CNOT1: variants seen among roughly 807,000 people sequenced by gnomAD.
The protein encoded by CNOT1 is CCR4-NOT transcription complex subunit 1.
Under a neutral mutation model 273.8 loss-of-function variants are expected in CNOT1, and 15 were observed. That is an observed-to-expected ratio of 0.05 (90% CI 0.04 to 0.08). The LOEUF is 0.08. CNOT1 is among the 10% of genes least tolerant of loss of function. CNOT1 has a pLI of 1.00. For synonymous variants in CNOT1, 1,022 were observed against 1,005.5 expected, an observed-to-expected ratio of 1.02 and a Z score of -0.31; for missense variants, 1,644 against 2,912.2, an observed-to-expected ratio of 0.56 and a Z score of 10.02.
Position 58,534,276 on chromosome 16 carries a change from A to C in CNOT1, c.5766T>G (p.Ala1922=), listed in dbSNP as rs1278950542. Residue 1922 remains alanine (A), a synonymous_variant, in exon 40 of 49, where the codon GCT becomes GCG. Coordinates refer to ENST00000317147, the MANE Select transcript of CNOT1 (RefSeq NM_016284.5). ...RAQAEQQHNP[A]ANPTMIRAKC... Reference sequence around the variant, plus strand: ...TGGCTCGGATCATGGTGGGATTGGCAGCAGGATTGTGCTGCTGCTCAGCCT... The same window carrying C: ...TGGCTCGGATCATGGTGGGATTGGCCGCAGGATTGTGCTGCTGCTCAGCCT... The C allele has an allele frequency of 1.2e-6, 2 of 1,614,178 alleles. 1 individual carries two copies. The highest frequency in any genetic ancestry group is 4.5e-5 in the East Asian group (2 of 44,870).
At chr16:58,572,241 G>A (rs144401538) in intron 16 of CNOT1, among the ~76,000 whole-genome samples, 1,999 of 151,706 alleles carry the variant, frequency 0.013, 34 homozygotes, top group African/African-American at 0.046. Context: ...CCGAGATCAT[G>A]CCACTGCACT....
In CNOT1 at chr16:58,558,536, G is replaced by C. The variant is rs746841115; in HGVS notation, c.2269C>G (p.Leu757Val). Reference protein sequence around the residue: ...PQSPAKAFPPLSTPNQTTAFS... With the variant: ...PQSPAKAFPPVSTPNQTTAFS... ...GCAGTGGTCTGATTGGGGGTTGAAAGGGGTGGAAATGCTTTTGCTGGTGAC... is the reference window on the plus strand; with the variant it reads ...GCAGTGGTCTGATTGGGGGTTGAAACGGGTGGAAATGCTTTTGCTGGTGAC... Residue 757 changes from leucine to valine, a missense_variant, in exon 18 of 49, where the codon CTT becomes GTT. By Grantham distance (32) the Leu-to-Val change is conservative. Coordinates refer to ENST00000317147, the MANE Select transcript of CNOT1 (RefSeq NM_016284.5). 5 of 1,613,750 alleles carry C rather than the reference G, an allele frequency of 3.1e-6. No homozygotes were observed. Among genetic ancestry groups the C allele is most frequent in the Non-Finnish European group, 4.2e-6 (5 of 1,179,870 alleles).
intron 16 of CNOT1, among the ~76,000 whole-genome samples, chr16:58,566,707 C>G (rs1761272150): frequency 6.6e-6 from 1 of 152,172 alleles, no homozygotes; most frequent in Non-Finnish European, 1.5e-5. Flanking sequence ...ACTCTTGTTG[C>G]CCAGACAGAG....
chr16:58,581,377 T>G lies in CNOT1; in HGVS notation c.1183A>C (p.Ile395Leu). Residue 395 changes from isoleucine to leucine, a missense_variant, in exon 11 of 49, where the codon ATA (isoleucine) becomes CTA (leucine). Ile to Leu is a conservative substitution (Grantham distance 5). Transcript: ENST00000317147. Reference sequence around the variant, plus strand: ...TCAGCATGTTTCCAAGGTCTATATATGAGGTCTACTGGGAACACTTCCATA... The same window carrying G: ...TCAGCATGTTTCCAAGGTCTATATAGGAGGTCTACTGGGAACACTTCCATA... Reference protein sequence around the residue: ...LGMEVFPVDLIYRPWKHAEGQ... With the variant: ...LGMEVFPVDLLYRPWKHAEGQ... The G allele has an allele frequency of 6.2e-7, 1 of 1,613,406 alleles. No individual in the cohort carries two copies.
At chr16:58,530,134 T>A in intron 43 of CNOT1, 112 bp downstream of exon 43, 1 of 724,510 alleles carries the variant, frequency 1.4e-6, no homozygotes, top group African/African-American at 1.8e-5. Flanking sequence ...CTTTTCTGAA[T>A]GTATATCATG....
intron 44 of CNOT1, among the ~76,000 whole-genome samples, chr16:58,526,817 CAAAA>C (rs58419483): frequency 0.29 from 25,657 of 87,732 alleles, 2,424 homozygotes; most frequent in African/African-American, 0.36. Context: ...AACTCCGTCT[CAAAA>C]AAAAAAAAAA....
At chr16:58,596,913 AAAAAC>A (rs2042281025) in intron 2 of CNOT1, among the ~76,000 whole-genome samples, 1 of 138,994 alleles carries the variant, frequency 7.2e-6, no homozygotes, top group African/African-American at 2.6e-5. Context: ...AAAAAAAAAA[AAAAAC>A]AAAAGTCAAT....
chr16:58,521,174 T>C lies in CNOT1; in HGVS notation c.7052+9A>G. On this transcript the variant is annotated intron_variant, in intron 48 of 48. Coordinates refer to ENST00000317147, the MANE Select transcript of CNOT1 (RefSeq NM_016284.5). ...ATTCCTAGACAATTAAAAATTACTT[T>C]GAACTCACTTTTCGATTTCTGGGGC... 3.1e-6 allele frequency: 5 copies of C among 1,613,022 alleles called. No individual in the cohort carries two copies. Among genetic ancestry groups the C allele is most frequent in the Non-Finnish European group, 4.2e-6 (5 of 1,179,756 alleles).
At chr16:58,603,904 A>G (rs566119598) in intron 1 of CNOT1, among the ~76,000 whole-genome samples, 4 of 152,334 alleles carry the variant, frequency 2.6e-5, no homozygotes, top group African/African-American at 9.6e-5. Flanking sequence ...TCCTCGTATT[A>G]GGATGTAAGT....
intron 2 of CNOT1, among the ~76,000 whole-genome samples, chr16:58,593,928 T>C (rs1369137293): frequency 1.3e-5 from 2 of 152,160 alleles, no homozygotes; most frequent in Non-Finnish European, 2.9e-5. Context: ...AGATGAATCC[T>C]ACTTGAAAAC....
Position 58,553,799 on chromosome 16 carries a change from G to C in CNOT1, c.2953C>G (p.Pro985Ala). ...GCACTTACCTCCTGTAAATGATGTG[G>C]AAATTGCATAAAGTGACTGATAGAA... is the stretch of plus-strand genomic sequence containing the variant. ...LASISHFMQFPHHLQEYIEYG... is the reference protein window; with the variant it reads ...LASISHFMQFAHHLQEYIEYG... The change falls in exon 22 of 49, where the codon CCA becomes GCA. Residue 985 changes from proline (P) to alanine (A), a missense_variant. Pro to Ala is a conservative substitution (Grantham distance 27). Transcript: ENST00000317147. The C allele has an allele frequency of 6.2e-7, 1 of 1,611,572 alleles. No individual in the cohort carries two copies. Among genetic ancestry groups the C allele is most frequent in the African/African-American group, 1.3e-5 (1 of 74,786 alleles).
Position 58,581,374 on chromosome 16 carries a change from A to G in CNOT1, c.1186T>C (p.Tyr396His), listed in dbSNP as rs2151974731. 1 of 1,613,238 alleles carries G rather than the reference A, an allele frequency of 6.2e-7. No homozygotes were observed. The highest frequency in any genetic ancestry group is 1.1e-5 in the South Asian group (1 of 90,838). ...CCTTCAGCATGTTTCCAAGGTCTAT[A>G]TATGAGGTCTACTGGGAACACTTCC... ...GMEVFPVDLIYRPWKHAEGQL... is the reference protein window; with the variant it reads ...GMEVFPVDLIHRPWKHAEGQL... Residue 396 changes from tyrosine (Y) to histidine (H), a missense_variant, in exon 11 of 49, where the codon TAT (tyrosine) becomes CAT (histidine). This residue lies in a region of CNOT1 where 706 missense variants were observed against 1,021.2 expected (regional missense o/e 0.69). Coordinates refer to ENST00000317147, the MANE Select transcript of CNOT1 (RefSeq NM_016284.5).
At chr16:58,583,993 C>T (rs1888324706) in intron 8 of CNOT1, among the ~76,000 whole-genome samples, 1 of 151,392 alleles carries the variant, frequency 6.6e-6, no homozygotes, top group African/African-American at 2.4e-5. Context: ...ACAGTGAAAC[C>T]CCATCTCTAC....
chr16:58,615,919 T>C (rs2043059312), intron 1 of CNOT1, among the ~76,000 whole-genome samples: 1 of 100,676 alleles, frequency 9.9e-6, no homozygotes, highest in African/African-American at 3.2e-5. Context: ...CCATCTCTAC[T>C]TTTTTTTTTT....
intron 2 of CNOT1, among the ~76,000 whole-genome samples, chr16:58,595,986 G>C (rs542057818): frequency 2.6e-5 from 4 of 152,332 alleles, no homozygotes; most frequent in African/African-American, 9.6e-5. Context: ...AGGCAGTCTT[G>C]TGCTTTTCTT....
intron 2 of CNOT1, chr16:58,597,736 G>A (rs1170114364): frequency 3.9e-6 from 2 of 513,352 alleles, no homozygotes; most frequent in Non-Finnish European, 7.9e-6. Flanking sequence ...GGGTGTGATG[G>A]TGGCCCACCA....
At chr16:58,585,141 G>A (rs2041793434) in intron 8 of CNOT1, among the ~76,000 whole-genome samples, 197 bp downstream of exon 8, 1 of 152,148 alleles carries the variant, frequency 6.6e-6, no homozygotes, top group Admixed American at 6.5e-5. Context: ...AACTGGTGAG[G>A]GGAAGGAGAT....
intron 22 of CNOT1, 87 bp from the exon 23 acceptor site, chr16:58,551,906 T>A: frequency 1.3e-6 from 2 of 1,534,622 alleles, no homozygotes; most frequent in Non-Finnish European, 1.8e-6. Context: ...GTAAAAAACA[T>A]GTCTGAGTGC....
rs369436352 is a variant in CNOT1 at position 58,526,170 on chromosome 16, A to T, written c.6454-32T>A. ...CAGATAAAATGCAAGAATCACAAGC[A>T]GAATCATTTTTATTAGTAAATTACA... On this transcript the variant is annotated intron_variant, in intron 44 of 48. Coordinates refer to ENST00000317147, the MANE Select transcript of CNOT1 (RefSeq NM_016284.5). The T allele has an allele frequency of 1.9e-6, 3 of 1,611,512 alleles. No homozygotes were observed. The African/African-American group carries it at 4.0e-5, about 22-fold the overall frequency.
Sources: gnomAD v4.1 joint callset for allele counts (sites outside exome capture counted in the v4.1 genomes callset) on GRCh38, gnomAD v4.1.1 for gene constraint, gnomAD v4.1.1 regional missense constraint, MANE v1.5 for transcripts, NCBI Gene and HGNC (gene_info 2026-07-23, HGNC 2026-07-21) for gene names.